CEP131: variants seen among roughly 807,000 people sequenced by gnomAD.
CEP131 encodes the protein centrosomal protein of 131 kDa.
In CEP131, 99 loss-of-function variants were observed where a neutral mutation model predicts 136.8. That is an observed-to-expected ratio of 0.72 (90% CI 0.62 to 0.86). The LOEUF is 0.86. Ranked by LOEUF, CEP131 falls within the 40% of genes least tolerant of loss-of-function variation. CEP131 has a pLI of 0.00. For missense variants in CEP131, 1,459 were observed against 1,463.0 expected, an observed-to-expected ratio of 1.00 and a Z score of 0.04; for synonymous variants, 646 against 612.7, an observed-to-expected ratio of 1.05 and a Z score of -0.80.
At chr17:81,202,429 C>T (rs774565813) in intron 6 of CEP131, 31 bp from the exon 7 acceptor site, 3 of 1,604,202 alleles carry the variant, frequency 1.9e-6, no homozygotes, top group Non-Finnish European at 2.5e-6. Flanking sequence ...ACCCTCGTCT[C>T]ACCGCCCAGG....
Position 81,200,371 on chromosome 17 carries a change from T to C in CEP131, c.864A>G (p.Ala288=). 6.3e-7 allele frequency: 1 copy of C among 1,582,162 alleles called. No individual in the cohort carries two copies. The highest frequency in any genetic ancestry group is 1.3e-5 in the African/African-American group (1 of 74,280). ...GCAAGTGCTCCAGGCGGGCAGCTCC[T>C]GCTCCGCGCCGCTGCACCTGGTGCC... ...WYRHQVQRRG[A]GAARLEHLLQ... is the part of the protein sequence containing the mutation. The change falls in exon 8 of 26, where the codon GCA becomes GCG. Residue 288 remains alanine, a synonymous_variant. Coordinates refer to ENST00000450824, the MANE Select transcript of CEP131 (RefSeq NM_014984.4).
intron 2 of CEP131, among the ~76,000 whole-genome samples, chr17:81,212,332 A>AG (rs1555614921): frequency 4.0e-4 from 61 of 151,026 alleles, no homozygotes; most frequent in South Asian, 2.7e-3. Context: ...AAAAAAAAAA[A>AG]AAAAGAAAAG....
At chr17:81,214,098 G>T (rs1385674010) in intron 2 of CEP131, among the ~76,000 whole-genome samples, 2 of 151,806 alleles carry the variant, frequency 1.3e-5, no homozygotes, top group African/African-American at 4.9e-5. Flanking sequence ...AATCAAGTGT[G>T]GACTTTAGTC....
At chr17:81,194,157 T>A in intron 17 of CEP131, 30 bp from the exon 18 acceptor site, 1 of 1,481,164 alleles carries the variant, frequency 6.8e-7, no homozygotes, top group Middle Eastern at 1.8e-4. Context: ...TAGGGCCACG[T>A]CCAGCTAGGG....
At chr17:81,202,207 C>G in intron 7 of CEP131, 33 bp downstream of exon 7, 7 of 1,307,934 alleles carry the variant, frequency 5.4e-6, no homozygotes, top group Non-Finnish European at 7.1e-6. Context: ...GTTCTAGGCT[C>G]AGGCCCCCCC....
At chr17:81,214,285 A>T (rs1051163824) in intron 2 of CEP131, among the ~76,000 whole-genome samples, 2 of 152,206 alleles carry the variant, frequency 1.3e-5, no homozygotes, top group African/African-American at 4.8e-5. Context: ...GTCACGCCGG[A>T]GGCTCACGCC....
rs201159775 is a variant in CEP131, at chr17:81,191,054, G to A, written c.2796C>T (p.Ala932=). ...CCGACTGCTCCAGCTCGGAGAGCTC[G>A]GCCTCGTACTTGTCCCGTAAGCGCT... The part of the protein sequence containing the change: ...RIKRLRDKYE[A]ELSELEQSER... Residue 932 remains alanine, a synonymous_variant, in exon 23 of 26, where the codon GCC becomes GCT. Coordinates refer to ENST00000450824, the MANE Select transcript of CEP131 (RefSeq NM_014984.4). The A allele has an allele frequency of 3.3e-5, 53 of 1,607,990 alleles. No individual in the cohort carries two copies. The highest frequency in any genetic ancestry group is 1.7e-4 in the Middle Eastern group (1 of 6,048).
At position 81,190,913 on chromosome 17, in the gene CEP131, C is replaced by T. The variant is rs372194453; in HGVS notation, c.2937G>A (p.Ala979=). The T allele has an allele frequency of 1.2e-5, 19 of 1,603,068 alleles. No individual in the cohort carries two copies. The highest frequency in any genetic ancestry group is 1.1e-4 in the East Asian group (5 of 44,848). ...VRQKERALED[A]QAVNEQLSSE... is the part of the protein sequence containing the mutation. ...CTGACACCCGCCCACTCACCGCCTGCGCATCCTCCAGCGCCCGCTCCTTCT... is the reference window on the plus strand; with the variant it reads ...CTGACACCCGCCCACTCACCGCCTGTGCATCCTCCAGCGCCCGCTCCTTCT... The change falls in exon 23 of 26, where the codon GCG becomes GCA. Residue 979 remains alanine (A), a synonymous_variant. Coordinates refer to ENST00000450824, the MANE Select transcript of CEP131 (RefSeq NM_014984.4).
In CEP131 at chr17:81,194,892, C is replaced by A. The variant is rs762787361; in HGVS notation, c.2097G>T (p.Lys699Asn). Residue 699 changes from lysine to asparagine, a missense_variant, in exon 17 of 26, where the codon AAG becomes AAT. Lys to Asn is a moderately conservative substitution (Grantham distance 94). This residue lies in a region of CEP131 where 1,026 missense variants were observed against 964.2 expected (regional missense o/e 1.06). Coordinates refer to ENST00000450824, the MANE Select transcript of CEP131 (RefSeq NM_014984.4). ...CACCTCGGACAGTGACCTCCTTGAT[C>A]TTCTTGGTTTTCTCACTGATCCACT... ...REKWISEKTK[K>N]IKEVTVRGLE... The A allele has an allele frequency of 2.5e-6, 4 of 1,613,476 alleles. No individual in the cohort carries two copies. The highest frequency in any genetic ancestry group is 3.4e-6 in the Non-Finnish European group (4 of 1,179,964).
At position 81,202,063 on chromosome 17, in the gene CEP131, T is replaced by C. The variant is rs550618630; in HGVS notation, c.788+177A>G. 2.0e-5 allele frequency among the ~76,000 whole-genome samples: 3 copies of C among 150,762 alleles called. No individual in the cohort carries two copies. The South Asian group carries it at 6.3e-4, about 32-fold the overall frequency. On this transcript the variant is annotated intron_variant, in intron 7 of 25. Coordinates refer to ENST00000450824, the MANE Select transcript of CEP131 (RefSeq NM_014984.4). ...TTGCAGCGAGCAGAGATCGCGCCAC[T>C]GCACTCCAGCCTGGGCGACAGAGCG...
In CEP131 at chr17:81,198,149, G is replaced by A. The variant is rs1239212267; in HGVS notation, c.1436C>T (p.Thr479Ile). The change falls in exon 12 of 26, where the codon ACC becomes ATC. Residue 479 changes from threonine (T) to isoleucine (I), a missense_variant. This residue lies in a region of CEP131 where 1,026 missense variants were observed against 964.2 expected (regional missense o/e 1.06). Transcript: ENST00000450824. Reference sequence around the variant, plus strand: ...CCAGGCGTATCTGCCCCTGTGATGGGTCCTGGGGCGGGGCAGCACGTCCGG... The same window carrying A: ...CCAGGCGTATCTGCCCCTGTGATGGATCCTGGGGCGGGGCAGCACGTCCGG... ...KEPDVLPRPR[T>I]HHRGRYAWAS... 1 of 1,574,930 alleles carries A rather than the reference G, an allele frequency of 6.3e-7. No individual in the cohort carries two copies. Among genetic ancestry groups the A allele is most frequent in the East Asian group, 2.3e-5 (1 of 42,664 alleles).
In CEP131 at chr17:81,203,292, G is replaced by C. The variant is rs1279489688; in HGVS notation, c.629+202C>G. On this transcript the variant is annotated intron_variant, in intron 6 of 25. Coordinates refer to ENST00000450824, the MANE Select transcript of CEP131 (RefSeq NM_014984.4). This position sits in a 1 kb window ranked among gnomAD's most constrained non-coding sequence, Gnocchi z 4.6. ...TGGATGGGGAGCCCGGTTCACAGCT[G>C]CTCCACGCGGTTTTACGTGCACTGA... Among the ~76,000 whole-genome samples, 1 of 152,232 alleles carries C rather than the reference G, an allele frequency of 6.6e-6. No individual in the cohort carries two copies. Among genetic ancestry groups the C allele is most frequent in the Non-Finnish European group, 1.5e-5 (1 of 68,032 alleles).
Position 81,195,016 on chromosome 17 carries a change from C to T in CEP131, c.2017-44G>A, listed in dbSNP as rs969231104. ...AGGAGGAAACGACACGAAGGACACCCCCGTCCCTTTGCCACCCTGTGGGCA... is the reference window on the plus strand; with the variant it reads ...AGGAGGAAACGACACGAAGGACACCTCCGTCCCTTTGCCACCCTGTGGGCA... On this transcript the variant is annotated intron_variant, in intron 16 of 25. Transcript: ENST00000450824. 4.7e-6 allele frequency: 7 copies of T among 1,504,862 alleles called. No homozygotes were observed. In the African/African-American group the frequency reaches 9.6e-5, roughly 21 times the overall value. The allele number at this position is 1,504,862 out of a possible 1,614,324, so 93.2% of individuals were successfully genotyped here.
chr17:81,217,982 G>A (rs2062290541), intron 2 of CEP131, among the ~76,000 whole-genome samples: 1 of 152,098 alleles, frequency 6.6e-6, no homozygotes, highest in South Asian at 2.1e-4. Flanking sequence ...CAAGAGAGCT[G>A]CAATTTCTTT....
Position 81,209,013 on chromosome 17 carries a change from C to T in CEP131, c.187G>A (p.Gly63Arg). Residue 63 changes from glycine (G) to arginine (R), a missense_variant, in exon 3 of 26, where the codon GGG (glycine) becomes AGG (arginine). Gly to Arg is a moderately radical substitution (Grantham distance 125). Transcript: ENST00000450824. The part of the protein sequence containing the change: ...EQKRKVLEAT[G>R]PGGSQAINNL... ...TTGATGGCCTGGGAGCCCCCAGGCC[C>T]TGTGGCCTCCTGCAAAAAGGGAGAA... 6.2e-7 allele frequency: 1 copy of T among 1,610,884 alleles called. No homozygotes were observed.
chr17:81,198,889 C>T lies in CEP131; in HGVS notation c.1275G>A (p.Glu425=), dbSNP rs1194053359. 2.5e-6 allele frequency: 4 copies of T among 1,588,022 alleles called. No homozygotes were observed. The African/African-American group carries it at 4.0e-5, about 16-fold the overall frequency. Residue 425 remains glutamate, a synonymous_variant, in exon 11 of 26, where the codon GAG becomes GAA. Coordinates refer to ENST00000450824, the MANE Select transcript of CEP131 (RefSeq NM_014984.4). ...DSSPEPQQPP[E]DRTQDVLAQD... ...GCTGTGCTCAGACCTGCGTCCTGTCCTCTGGAGGCTGCTGTGGTTCTGGGG... is the reference window on the plus strand; with the variant it reads ...GCTGTGCTCAGACCTGCGTCCTGTCTTCTGGAGGCTGCTGTGGTTCTGGGG...
chr17:81,200,653 T>C (rs2061871365), intron 7 of CEP131, among the ~76,000 whole-genome samples: 1 of 152,132 alleles, frequency 6.6e-6, no homozygotes, highest in Non-Finnish European at 1.5e-5. Context: ...ACCCAAAACC[T>C]TCTTCCTGGG....
chr17:81,202,456 C>T (rs900341700), intron 6 of CEP131, 58 bp from the exon 7 acceptor site: 3 of 1,560,418 alleles, frequency 1.9e-6, no homozygotes, highest in East Asian at 2.3e-5. Context: ...GCTCTGCCCA[C>T]AGGCAGCAGG....
At position 81,204,769 on chromosome 17, in the gene CEP131, G is replaced by A. The variant is rs918528379; in HGVS notation, c.516-1162C>T. 3.4e-3 allele frequency among the ~76,000 whole-genome samples: 506 copies of A among 150,944 alleles called. 2 individuals carry two copies. The highest frequency in any genetic ancestry group is 0.012 in the African/African-American group (470 of 40,762). ...ACCTGCACCGGACCACACCTGCACC[G>A]GACCGCACCAGGCACCAGCCCACGC... is the stretch of plus-strand genomic sequence containing the variant. On this transcript the variant is annotated intron_variant, in intron 5 of 25. Transcript: ENST00000450824.
Sources: gnomAD v4.1 joint callset for allele counts (sites outside exome capture counted in the v4.1 genomes callset) on GRCh38, gnomAD v4.1.1 for gene constraint, gnomAD v4.1.1 regional missense constraint, Gnocchi (gnomAD v3.1) non-coding constraint, MANE v1.5 for transcripts, NCBI Gene and HGNC (gene_info 2026-07-23, HGNC 2026-07-21) for gene names.